Variants in POU6F2 observed in about 807,000 individuals in gnomAD.
POU6F2 encodes the protein POU class 6 homeobox 2, also known as POU domain, class 6, transcription factor 2.
Under a neutral mutation model 71.3 loss-of-function variants are expected in POU6F2, and 31 were observed. The observed-to-expected ratio is 0.43, with a 90% CI of 0.33 to 0.59. The LOEUF (loss-of-function observed/expected upper bound fraction) is 0.59. Ranked by LOEUF, POU6F2 falls within the 20% of genes least tolerant of loss-of-function variation. The pLI, the probability that POU6F2 is intolerant of heterozygous loss-of-function variation, is 0.04. For synonymous variants in POU6F2, 347 were observed against 355.7 expected (o/e 0.98, Z 0.27); for missense variants, 783 against 856.8 (o/e 0.91, Z 1.07).
chr7:39,419,199 A>T (rs1355150328), intron 6 of POU6F2, among the ~76,000 whole-genome samples: 1 of 148,614 alleles, frequency 6.7e-6, no homozygotes, highest in Non-Finnish European at 1.5e-5. Context: ...ATATTTTTTA[A>T]CCCACTCAGG....
chr7:39,040,237 G>C (rs1022048303), intron 1 of POU6F2, among the ~76,000 whole-genome samples: 1 of 144,588 alleles, frequency 6.9e-6, no homozygotes, highest in Non-Finnish European at 1.5e-5. Flanking sequence ...GTAAAATAAT[G>C]CATAGGTAGT....
intron 5 of POU6F2, among the ~76,000 whole-genome samples, chr7:39,394,604 T>C (rs1787136455): frequency 1.3e-5 from 2 of 152,226 alleles, no homozygotes; most frequent in African/African-American, 4.8e-5. Context: ...CTCCATCTCC[T>C]GTCTTAGGTG....
At chr7:39,007,976 G>A (rs563500200) in intron 1 of POU6F2, among the ~76,000 whole-genome samples, 66 of 149,490 alleles carry the variant, frequency 4.4e-4, no homozygotes, top group East Asian at 1.2e-3. Context: ...GAATAGTGCC[G>A]CAATAAACAT....
chr7:39,195,844 C>G (rs562417250), intron 2 of POU6F2, among the ~76,000 whole-genome samples: 3 of 152,252 alleles, frequency 2.0e-5, no homozygotes, highest in African/African-American at 7.2e-5. Context: ...CATCACAGTA[C>G]TGTAATGCAG....
At chr7:39,322,094 C>G (rs999000464) in intron 4 of POU6F2, among the ~76,000 whole-genome samples, 1 of 152,174 alleles carries the variant, frequency 6.6e-6, no homozygotes, top group Non-Finnish European at 1.5e-5. Context: ...TGTTCTCATT[C>G]ATTGTGAGTA....
chr7:39,242,381 CTT>C (rs70977467), intron 4 of POU6F2, among the ~76,000 whole-genome samples: 21 of 147,292 alleles, frequency 1.4e-4, no homozygotes, highest in East Asian at 6.0e-4. Context: ...TTTTGTTTTG[CTT>C]TTTTTTTTTT....
intron 1 of POU6F2, among the ~76,000 whole-genome samples, chr7:39,020,518 A>G (rs1789659971): frequency 6.6e-6 from 1 of 152,152 alleles, no homozygotes; most frequent in Non-Finnish European, 1.5e-5. Context: ...TTGCAGTCTC[A>G]TCCATGAGTC....
chr7:39,268,273 C>T (rs1784284816), intron 4 of POU6F2, among the ~76,000 whole-genome samples: 1 of 152,054 alleles, frequency 6.6e-6, no homozygotes, highest in Non-Finnish European at 1.5e-5. Context: ...CATTCTGCAC[C>T]CACCCAAGCT....
At chr7:39,078,101 G>A (rs1446832777) in intron 1 of POU6F2, among the ~76,000 whole-genome samples, 1 of 152,180 alleles carries the variant, frequency 6.6e-6, no homozygotes, top group Non-Finnish European at 1.5e-5. Context: ...TTGCATTCTG[G>A]TTATGATGAA....
chr7:39,108,174 A>G (rs746668011), intron 2 of POU6F2, among the ~76,000 whole-genome samples: 5 of 152,190 alleles, frequency 3.3e-5, no homozygotes, highest in Non-Finnish European at 7.3e-5. Context: ...GGTTATGCTG[A>G]TAATCAAAAG....
chr7:39,261,389 T>C (rs1246823904), intron 4 of POU6F2, among the ~76,000 whole-genome samples: 3 of 152,214 alleles, frequency 2.0e-5, no homozygotes, highest in Non-Finnish European at 4.4e-5. Flanking sequence ...TTAGAACATA[T>C]CCAAGTCATA....
At chr7:39,117,838 G>T (rs779263052) in intron 2 of POU6F2, among the ~76,000 whole-genome samples, 2 of 152,146 alleles carry the variant, frequency 1.3e-5, no homozygotes, top group African/African-American at 2.4e-5. Context: ...GGAGACATGA[G>T]CCTTACTGTC....
chr7:39,324,065 G>A (rs935157757), intron 4 of POU6F2, among the ~76,000 whole-genome samples: 1 of 142,920 alleles, frequency 7.0e-6, no homozygotes, highest in African/African-American at 2.6e-5. Context: ...CCAAGATAGC[G>A]CAACTGCACT....
intron 2 of POU6F2, among the ~76,000 whole-genome samples, chr7:39,137,465 A>G (rs1792410162): frequency 6.6e-6 from 1 of 152,228 alleles, no homozygotes; most frequent in Admixed American, 6.5e-5. Context: ...TCAAAACTAT[A>G]TTTGCTATAC....
chr7:39,063,314 G>A (rs772743403), intron 1 of POU6F2, among the ~76,000 whole-genome samples: 12 of 152,180 alleles, frequency 7.9e-5, no homozygotes, highest in Admixed American at 5.2e-4. Flanking sequence ...TTCGAGATCA[G>A]CTTGGGCAAC....
chr7:39,201,115 T>A (rs6975659), intron 2 of POU6F2, among the ~76,000 whole-genome samples: 56,693 of 152,128 alleles, frequency 0.37, 10,895 homozygotes, highest in South Asian at 0.49. Flanking sequence ...CGCTGTTTCA[T>A]GAAAGTTACA....
intron 5 of POU6F2, among the ~76,000 whole-genome samples, chr7:39,369,729 G>T (rs574561983): frequency 2.0e-3 from 302 of 152,156 alleles, no homozygotes; most frequent in African/African-American, 7.1e-3. Context: ...TGTCATCCAG[G>T]CTGGGATGCA....
intron 2 of POU6F2, among the ~76,000 whole-genome samples, chr7:39,173,581 GT>G (rs1352995293): frequency 1.3e-5 from 2 of 152,222 alleles, no homozygotes; most frequent in Non-Finnish European, 2.9e-5. Context: ...TCTTGTCACT[GT>G]TTTTGGTAAG....
chr7:39,034,634 T>C (rs991772974), intron 1 of POU6F2: 5 of 249,658 alleles, frequency 2.0e-5, no homozygotes, highest in Admixed American at 8.7e-5. Context: ...ATCAATGCGA[T>C]TTTTCTATTT....
Sources: gnomAD v4.1 joint callset for allele counts (sites outside exome capture counted in the v4.1 genomes callset) on GRCh38, gnomAD v4.1.1 for gene constraint, MANE v1.5 for transcripts, NCBI Gene and HGNC (gene_info 2026-07-23, HGNC 2026-07-21) for gene names.